DENND1A: variants seen among roughly 807,000 people sequenced by gnomAD.
DENND1A encodes the protein DENN domain containing 1A.
A neutral mutation model predicts 113.7 loss-of-function variants in DENND1A; 51 were observed. The observed-to-expected ratio is 0.45, with a 90% CI of 0.36 to 0.57. The LOEUF (loss-of-function observed/expected upper bound fraction) is 0.57. DENND1A is among the 20% of genes least tolerant of loss of function. The pLI is 0.00. For missense variants in DENND1A, 1,258 were observed against 1,395.9 expected (o/e 0.90, Z 1.57); for synonymous variants, 565 against 570.8 (o/e 0.99, Z 0.14).
chr9:123,897,785 T>C (rs1210285604), intron 1 of DENND1A, among the ~76,000 whole-genome samples: 1 of 151,790 alleles, frequency 6.6e-6, no homozygotes, highest in East Asian at 1.9e-4. Flanking sequence ...CTGGGGAGCA[T>C]AGCAAGACCC....
intron 22 of DENND1A, 86 bp downstream of exon 22, chr9:123,387,644 A>G: frequency 2.7e-6 from 3 of 1,130,584 alleles, no homozygotes; most frequent in South Asian, 1.3e-5. Context: ...ACACAAAGGC[A>G]AGCAGCACCA....
intron 19 of DENND1A, among the ~76,000 whole-genome samples, chr9:123,426,876 G>A (rs1368081509): frequency 1.3e-5 from 2 of 152,198 alleles, no homozygotes; most frequent in Non-Finnish European, 2.9e-5. Context: ...CAGCCACTGT[G>A]TTTAGTTTCT....
intron 12 of DENND1A, among the ~76,000 whole-genome samples, chr9:123,559,748 C>G (rs1171629318): frequency 1.3e-5 from 2 of 152,202 alleles, no homozygotes; most frequent in East Asian, 3.8e-4. Context: ...AGTCACAAGA[C>G]TGTACAACCA....
At chr9:123,540,009 T>C (rs1487354097) in intron 13 of DENND1A, among the ~76,000 whole-genome samples, 2 of 152,184 alleles carry the variant, frequency 1.3e-5, no homozygotes, top group Non-Finnish European at 2.9e-5. Flanking sequence ...ACTATAAAGA[T>C]TGAATGCCAA....
At chr9:123,542,057 A>G (rs1303125620) in intron 13 of DENND1A, among the ~76,000 whole-genome samples, 1 of 152,248 alleles carries the variant, frequency 6.6e-6, no homozygotes, top group African/African-American at 2.4e-5. Context: ...ATACATTAAG[A>G]AATTAGACAT....
intron 1 of DENND1A, among the ~76,000 whole-genome samples, chr9:123,900,185 T>C (rs866587589): frequency 1.3e-5 from 2 of 152,232 alleles, no homozygotes; most frequent in South Asian, 2.1e-4. Flanking sequence ...CCATCACAAA[T>C]ATAAATCCTG....
chr9:123,926,703 CTCGG>C (rs1588292438), intron 1 of DENND1A, among the ~76,000 whole-genome samples: 3 of 150,162 alleles, frequency 2.0e-5, no homozygotes, highest in African/African-American at 7.4e-5. Context: ...AAACACTCAA[CTCGG>C]TCTTAATTAG....
intron 1 of DENND1A, among the ~76,000 whole-genome samples, chr9:123,880,976 G>C (rs1018234351): frequency 2.0e-5 from 3 of 152,112 alleles, no homozygotes; most frequent in African/African-American, 7.2e-5. Context: ...GGAGGGGAAA[G>C]AAAAATAAGT....
At chr9:123,646,626 G>A (rs375029268) in intron 9 of DENND1A, among the ~76,000 whole-genome samples, 3 of 152,030 alleles carry the variant, frequency 2.0e-5, no homozygotes, top group East Asian at 1.9e-4. Flanking sequence ...CTCCCCATCC[G>A]CTCTCTTCGG....
chr9:123,428,912 A>G (rs999546933), intron 19 of DENND1A, among the ~76,000 whole-genome samples: 1 of 152,226 alleles, frequency 6.6e-6, no homozygotes, highest in African/African-American at 2.4e-5. Context: ...ACATGGAAAA[A>G]CACTCATGCT....
chr9:123,729,202 A>G (rs1213222952), intron 5 of DENND1A, among the ~76,000 whole-genome samples: 1 of 152,216 alleles, frequency 6.6e-6, no homozygotes, highest in Admixed American at 6.5e-5. Context: ...AAACCAGCAC[A>G]AGGACAATGA....
intron 8 of DENND1A, among the ~76,000 whole-genome samples, chr9:123,665,681 C>G (rs1433768566): frequency 6.6e-6 from 1 of 152,120 alleles, no homozygotes; most frequent in African/African-American, 2.4e-5. Flanking sequence ...CTTTTCTTAT[C>G]AAGTATTCAA....
chr9:123,863,891 T>A (rs949071324), intron 2 of DENND1A, among the ~76,000 whole-genome samples: 1 of 152,058 alleles, frequency 6.6e-6, no homozygotes, highest in African/African-American at 2.4e-5. Flanking sequence ...AGGTTCATAG[T>A]CTGGAAAAGT....
intron 19 of DENND1A, among the ~76,000 whole-genome samples, chr9:123,421,144 G>T (rs1353571754): frequency 6.7e-6 from 1 of 149,066 alleles, no homozygotes; most frequent in African/African-American, 2.5e-5. Context: ...AGGTTAGAGG[G>T]GCTTCCAGAT....
chr9:123,470,097 T>C (rs1207989468), intron 13 of DENND1A, among the ~76,000 whole-genome samples: 1 of 152,220 alleles, frequency 6.6e-6, no homozygotes, highest in South Asian at 2.1e-4. Context: ...CTGCACTCTA[T>C]GCCTGCTGTA....
intron 7 of DENND1A, among the ~76,000 whole-genome samples, chr9:123,667,631 A>G (rs1232997790): frequency 6.6e-6 from 1 of 152,122 alleles, no homozygotes; most frequent in Non-Finnish European, 1.5e-5. Context: ...ATAAATACAT[A>G]AATAGTTCAA....
intron 21 of DENND1A, among the ~76,000 whole-genome samples, chr9:123,392,183 G>A (rs752651295): frequency 6.6e-6 from 1 of 152,190 alleles, no homozygotes; most frequent in East Asian, 1.9e-4. Flanking sequence ...GCTCTCTGCC[G>A]CGCCGGGATC....
intron 12 of DENND1A, among the ~76,000 whole-genome samples, chr9:123,577,475 A>G (rs951705514): frequency 6.6e-6 from 1 of 152,210 alleles, no homozygotes; most frequent in African/African-American, 2.4e-5. Context: ...TCTATTGACT[A>G]ATTTTCCTCT....
chr9:123,483,401 C>T lies in DENND1A; in HGVS notation c.994-25504G>A, dbSNP rs543379882. Among the ~76,000 whole-genome samples, 936 of 152,342 alleles carry T rather than the reference C, an allele frequency of 6.1e-3. 13 individuals carry two copies. Among genetic ancestry groups the T allele is most frequent in the African/African-American group, 0.021 (889 of 41,590 alleles). The stretch of plus-strand genomic sequence containing the variant: ...CCTCCCTTGGCTGCCAGATGACCCC[C>T]ACCATGGCAGCCTCCAGGAACTCAG... On this transcript the variant is annotated intron_variant, in intron 13 of 23. Transcript: ENST00000394215.
Sources: gnomAD v4.1 joint callset for allele counts (sites outside exome capture counted in the v4.1 genomes callset) on GRCh38, gnomAD v4.1.1 for gene constraint, MANE v1.5 for transcripts, NCBI Gene and HGNC (gene_info 2026-07-23, HGNC 2026-07-21) for gene names.